ERC1: variants seen among roughly 807,000 people sequenced by gnomAD.
The protein encoded by ERC1 is RAB6 interacting protein 2.
Under a neutral mutation model 132.0 loss-of-function variants are expected in ERC1, and 56 were observed. The observed-to-expected ratio is 0.42, with a 90% CI of 0.34 to 0.53. The LOEUF (loss-of-function observed/expected upper bound fraction) is 0.53. Ranked by LOEUF, ERC1 falls within the 20% of genes least tolerant of loss-of-function variation. The pLI is 0.03. For missense variants in ERC1, 1,202 were observed against 1,349.9 expected (o/e 0.89, Z 1.72); for synonymous variants, 478 against 476.1 (o/e 1.00, Z -0.05).
At chr12:1,293,501 C>CAT (rs2079643974) in intron 15 of ERC1, among the ~76,000 whole-genome samples, 1 of 119,336 alleles carries the variant, frequency 8.4e-6, no homozygotes, top group African/African-American at 3.1e-5. Context: ...TGGTGGCGTG[C>CAT]GCCTGTAATC....
chr12:1,230,575 A>G (rs1447362047), intron 12 of ERC1, among the ~76,000 whole-genome samples: 2 of 152,150 alleles, frequency 1.3e-5, no homozygotes, highest in East Asian at 3.9e-4. Flanking sequence ...GATGTTTCAT[A>G]TAGTCTGTTA....
intron 15 of ERC1, among the ~76,000 whole-genome samples, chr12:1,320,187 A>G (rs2082017956): frequency 6.6e-6 from 1 of 152,200 alleles, no homozygotes; most frequent in African/African-American, 2.4e-5. Flanking sequence ...TTATACTTGC[A>G]TCTTTTCACA....
intron 7 of ERC1, among the ~76,000 whole-genome samples, chr12:1,129,998 A>G (rs1948602586): frequency 6.6e-6 from 1 of 152,254 alleles, no homozygotes; most frequent in Non-Finnish European, 1.5e-5. Context: ...TCAGAGAAAG[A>G]TCACAAAAGG....
chr12:1,278,150 G>A (rs532520278), intron 14 of ERC1, among the ~76,000 whole-genome samples: 4 of 152,320 alleles, frequency 2.6e-5, no homozygotes, highest in African/African-American at 7.2e-5. Context: ...ATTGACAAGG[G>A]ACTTCAAAAG....
intron 16 of ERC1, among the ~76,000 whole-genome samples, chr12:1,407,905 C>T (rs976705235): frequency 5.9e-5 from 9 of 152,142 alleles, no homozygotes; most frequent in Non-Finnish European, 1.2e-4. Context: ...CCTGAAGACC[C>T]TGTCTCTGGG....
chr12:1,378,594 A>G (rs2088226440), intron 16 of ERC1, among the ~76,000 whole-genome samples: 1 of 152,202 alleles, frequency 6.6e-6, no homozygotes, highest in South Asian at 2.1e-4. Flanking sequence ...TGGAGAATCA[A>G]CCTTTAAAGC....
intron 16 of ERC1, among the ~76,000 whole-genome samples, chr12:1,407,288 T>G (rs577485396): frequency 6.6e-6 from 1 of 152,158 alleles, no homozygotes; most frequent in African/African-American, 2.4e-5. Flanking sequence ...TATATATATA[T>G]ATATGAGAGA....
chr12:1,186,464 G>T (rs1955104858), intron 11 of ERC1, among the ~76,000 whole-genome samples: 1 of 152,158 alleles, frequency 6.6e-6, no homozygotes, highest in South Asian at 2.1e-4. Flanking sequence ...TGGATGGAGA[G>T]CTTAACCTTT....
intron 15 of ERC1, among the ~76,000 whole-genome samples, chr12:1,363,543 C>CTTTTTTTTT (rs34769986): frequency 4.2e-5 from 4 of 94,336 alleles, no homozygotes; most frequent in East Asian, 5.5e-4. Context: ...TATTTCTTTC[C>CTTTTTTTTT]TTTTTTTTTT....
intron 14 of ERC1, among the ~76,000 whole-genome samples, chr12:1,283,536 A>C (rs913942571): frequency 6.6e-6 from 1 of 152,188 alleles, no homozygotes; most frequent in Non-Finnish European, 1.5e-5. Flanking sequence ...TGACTTTGAA[A>C]CTGTTTCCCT....
chr12:1,173,263 G>A (rs779771031), intron 8 of ERC1, among the ~76,000 whole-genome samples: 5 of 152,056 alleles, frequency 3.3e-5, no homozygotes, highest in African/African-American at 9.7e-5. Flanking sequence ...TTTCCCATAG[G>A]CCTGTAGTGA....
intron 17 of ERC1, among the ~76,000 whole-genome samples, chr12:1,417,610 GTC>G (rs2092180401): frequency 6.6e-6 from 1 of 151,988 alleles, no homozygotes; most frequent in South Asian, 2.1e-4. Flanking sequence ...GCAAAATCCT[GTC>G]TCTACTAAAA....
chr12:1,155,314 C>CAAA (rs151006544), intron 8 of ERC1, among the ~76,000 whole-genome samples: 47 of 55,068 alleles, frequency 8.5e-4, no homozygotes, highest in Middle Eastern at 9.6e-3. Context: ...GACTTCATCT[C>CAAA]AAAAAAAAAA....
At chr12:1,019,994 A>G (rs7304196) in intron 1 of ERC1, among the ~76,000 whole-genome samples, 3,200 of 152,032 alleles carry the variant, frequency 0.021, 115 homozygotes, top group African/African-American at 0.073. Context: ...GACTCAAGCA[A>G]TTCTCCTGCC....
chr12:1,384,343 G>T (rs924793847), intron 16 of ERC1, among the ~76,000 whole-genome samples: 4 of 152,196 alleles, frequency 2.6e-5, no homozygotes, highest in Admixed American at 6.5e-5. Flanking sequence ...GTACAGCAGA[G>T]GAGAGGGTAA....
At chr12:1,227,498 A>G (rs1381779640) in intron 12 of ERC1, among the ~76,000 whole-genome samples, 1 of 152,272 alleles carries the variant, frequency 6.6e-6, no homozygotes, top group Non-Finnish European at 1.5e-5. Flanking sequence ...TCCTTTGCCC[A>G]TTTTAAAATC....
intron 13 of ERC1, among the ~76,000 whole-genome samples, chr12:1,252,707 G>T (rs899174007): frequency 2.0e-5 from 3 of 152,176 alleles, no homozygotes; most frequent in Admixed American, 6.5e-5. Flanking sequence ...GAGAAGGAGG[G>T]AGAGAATATT....
At chr12:1,248,222 G>A (rs1428246780) in intron 13 of ERC1, among the ~76,000 whole-genome samples, 2 of 151,938 alleles carry the variant, frequency 1.3e-5, no homozygotes, top group Non-Finnish European at 2.9e-5. Flanking sequence ...TAAATTTATC[G>A]AATGCTTTCT....
chr12:1,402,053 A>T (rs903623003), intron 16 of ERC1, among the ~76,000 whole-genome samples: 1 of 152,220 alleles, frequency 6.6e-6, no homozygotes, highest in Non-Finnish European at 1.5e-5. Flanking sequence ...ATAGGAAAGT[A>T]TACATTTAAA....
Sources: gnomAD v4.1 joint callset for allele counts (sites outside exome capture counted in the v4.1 genomes callset) on GRCh38, gnomAD v4.1.1 for gene constraint, MANE v1.5 for transcripts, NCBI Gene and HGNC (gene_info 2026-07-23, HGNC 2026-07-21) for gene names.